Variants in ADGRL2 observed in about 807,000 individuals in gnomAD.
The protein encoded by ADGRL2 is calcium-independent alpha-latrotoxin receptor 2.
Under a neutral mutation model 157.4 loss-of-function variants are expected in ADGRL2, and 44 were observed. That is an observed-to-expected ratio of 0.28 (90% CI 0.22 to 0.36). The LOEUF (loss-of-function observed/expected upper bound fraction) is 0.36, where lower values mean the gene tolerates loss of function less well. ADGRL2 is among the 10% of genes least tolerant of loss of function. The pLI, the probability that ADGRL2 is intolerant of heterozygous loss-of-function variation, is 1.00. For synonymous variants in ADGRL2, 585 were observed against 624.7 expected, an observed-to-expected ratio of 0.94 and a Z score of 0.95; for missense variants, 1,510 against 1,768.9, an observed-to-expected ratio of 0.85 and a Z score of 2.63.
upstream of ADGRL2, among the ~76,000 whole-genome samples, chr1:81,696,424 T>C (rs2083443984): frequency 6.6e-6 from 1 of 152,092 alleles, no homozygotes; most frequent in Admixed American, 6.6e-5. Context: ...ACAATTATGT[T>C]TGAGATATCA....
At chr1:81,356,810 G>A (rs1343594795) in intron 1 of ADGRL2, among the ~76,000 whole-genome samples, 3 of 151,694 alleles carry the variant, frequency 2.0e-5, no homozygotes, top group Non-Finnish European at 2.9e-5. Context: ...AAAATTAGCC[G>A]AGCGTGGTGG....
At chr1:81,368,521 T>C (rs185363125) in intron 1 of ADGRL2, among the ~76,000 whole-genome samples, 1 of 152,328 alleles carries the variant, frequency 6.6e-6, no homozygotes. Context: ...TTGCCATGTA[T>C]CTGCTGGAAT....
At chr1:81,879,401 A>T (rs1384052419) in intron 2 of ADGRL2, among the ~76,000 whole-genome samples, 1 of 152,112 alleles carries the variant, frequency 6.6e-6, no homozygotes, top group Non-Finnish European at 1.5e-5. Context: ...TTGGGCAGTC[A>T]CTTAGATCAT....
intron 1 of ADGRL2, among the ~76,000 whole-genome samples, chr1:81,312,546 A>G (rs982547122): frequency 2.2e-4 from 34 of 152,330 alleles, no homozygotes; most frequent in Middle Eastern, 6.8e-3. Context: ...AGGTAAAGGA[A>G]CTAAACATAT....
intron 1 of ADGRL2, among the ~76,000 whole-genome samples, chr1:81,811,861 G>A (rs993732426): frequency 2.0e-5 from 3 of 151,218 alleles, no homozygotes; most frequent in African/African-American, 7.3e-5. Flanking sequence ...TCAGATAAAT[G>A]AGCCGGGCAG....
At chr1:81,392,109 C>T (rs372107661) in intron 1 of ADGRL2, among the ~76,000 whole-genome samples, 33 of 152,134 alleles carry the variant, frequency 2.2e-4, no homozygotes, top group African/African-American at 7.7e-4. Context: ...AACCATTATA[C>T]TGTACTGCCT....
chr1:81,646,684 A>G (rs1442633383), intron 3 of ADGRL2, among the ~76,000 whole-genome samples: 1 of 152,196 alleles, frequency 6.6e-6, no homozygotes, highest in African/African-American at 2.4e-5. Context: ...CATCTCAACC[A>G]GTCAGTAGGT....
intron 3 of ADGRL2, among the ~76,000 whole-genome samples, chr1:81,628,866 G>T (rs2081958959): frequency 6.6e-6 from 1 of 152,144 alleles, no homozygotes; most frequent in Non-Finnish European, 1.5e-5. Context: ...AACTGTATTA[G>T]ATTTCTTTAC....
chr1:81,307,741 C>CT (rs1279838847), intron 1 of ADGRL2, among the ~76,000 whole-genome samples: 2 of 151,816 alleles, frequency 1.3e-5, no homozygotes, highest in African/African-American at 4.8e-5. Flanking sequence ...TAGGTAGATA[C>CT]TTGTAGTTAG....
intron 1 of ADGRL2, among the ~76,000 whole-genome samples, chr1:81,401,908 T>C (rs1303931445): frequency 1.3e-5 from 2 of 152,214 alleles, no homozygotes; most frequent in Admixed American, 6.5e-5. Flanking sequence ...TCCTTAAAGA[T>C]AATAACTTGT....
intron 3 of ADGRL2, among the ~76,000 whole-genome samples, chr1:81,917,400 C>A (rs1553189667): frequency 6.6e-6 from 1 of 151,818 alleles, no homozygotes; most frequent in Non-Finnish European, 1.5e-5. Flanking sequence ...TATGTATTTT[C>A]TTTAAGTATA....
chr1:81,651,525 G>GA lies in ADGRL2; in HGVS notation c.-143+70551dup, dbSNP rs201198743. ...ACAACCAAATTAAAATGTTATTCTT[G>GA]AAAAAATGACCTGTAACAAATGTGG... is the stretch of plus-strand genomic sequence containing the variant. On this transcript the variant is annotated intron_variant, in intron 3 of 24. Transcript: ENST00000370721. Among the ~76,000 whole-genome samples the GA allele has an allele frequency of 4.3e-3, 656 of 152,148 alleles. 3 individuals carry two copies. Among genetic ancestry groups the GA allele is most frequent in the African/African-American group, 0.014 (595 of 41,508 alleles).
intron 3 of ADGRL2, among the ~76,000 whole-genome samples, chr1:81,690,510 G>A (rs2083311158): frequency 6.6e-6 from 1 of 152,096 alleles, no homozygotes; most frequent in Middle Eastern, 3.2e-3. Flanking sequence ...AAAGAAGACT[G>A]TAAAATTTAG....
intron 3 of ADGRL2, among the ~76,000 whole-genome samples, chr1:81,602,705 C>T (rs2081357084): frequency 6.6e-6 from 1 of 152,000 alleles, no homozygotes; most frequent in African/African-American, 2.4e-5. Context: ...TCAAGACCAG[C>T]CTGGCCAACA....
intron 1 of ADGRL2, among the ~76,000 whole-genome samples, chr1:81,430,594 G>A (rs1188825803): frequency 1.3e-5 from 2 of 152,172 alleles, no homozygotes; most frequent in Non-Finnish European, 2.9e-5. Context: ...ATTCTGAGAT[G>A]ATGTCTTTCC....
chr1:81,829,151 A>G (rs977532920), intron 1 of ADGRL2, among the ~76,000 whole-genome samples: 1 of 152,118 alleles, frequency 6.6e-6, no homozygotes, highest in Non-Finnish European at 1.5e-5. Flanking sequence ...ACCTCAGGCA[A>G]TCCACCTGCC....
chr1:81,810,716 A>AC (rs1419124430), intron 1 of ADGRL2, among the ~76,000 whole-genome samples: 3 of 151,888 alleles, frequency 2.0e-5, no homozygotes, highest in African/African-American at 7.2e-5. Flanking sequence ...GGCTTAATGT[A>AC]TTAAATGACA....
chr1:81,960,817 C>T (rs373001719), intron 11 of ADGRL2, among the ~76,000 whole-genome samples: 5 of 152,128 alleles, frequency 3.3e-5, no homozygotes, highest in African/African-American at 1.2e-4. Context: ...TGATTTTTAT[C>T]ATCACTTTAG....
chr1:81,985,392 T>G (rs750232422), intron 21 of ADGRL2, 37 bp downstream of exon 21: 1 of 1,134,362 alleles, frequency 8.8e-7, no homozygotes, highest in South Asian at 1.3e-5. Flanking sequence ...CTACCATTTA[T>G]TAAAGTACAT....
Sources: gnomAD v4.1 joint callset for allele counts (sites outside exome capture counted in the v4.1 genomes callset) on GRCh38, gnomAD v4.1.1 for gene constraint, MANE v1.5 for transcripts, NCBI Gene and HGNC (gene_info 2026-07-23, HGNC 2026-07-21) for gene names.